PDE6D: variants seen among roughly 807,000 people sequenced by gnomAD.
PDE6D encodes the protein phosphodiesterase 6D, also known as retinal rod rhodopsin-sensitive cGMP 3',5'-cyclic phosphodiesterase subunit delta.
Under a neutral mutation model 21.9 loss-of-function variants are expected in PDE6D, and 10 were observed. The observed-to-expected ratio is 0.46, with a 90% CI of 0.28 to 0.78. The LOEUF (loss-of-function observed/expected upper bound fraction) is 0.78, where lower values mean the gene tolerates loss of function less well. PDE6D is among the 30% of genes least tolerant of loss of function. The pLI is 0.12. For missense variants in PDE6D, 139 were observed against 184.8 expected (o/e 0.75, Z 1.44); for synonymous variants, 59 against 63.5 (o/e 0.93, Z 0.34).
chr2:231,737,581 T>C (rs2048711796), intron 3 of PDE6D: 5 of 349,948 alleles, frequency 1.4e-5, no homozygotes, highest in Non-Finnish European at 2.6e-5. Context: ...ATGTGAACTA[T>C]ATATAGATAC....
At chr2:231,776,280 C>A (rs377013714) in intron 1 of PDE6D, among the ~76,000 whole-genome samples, 5 of 137,570 alleles carry the variant, frequency 3.6e-5, no homozygotes, top group Admixed American at 1.6e-4. Flanking sequence ...GAGATCACAT[C>A]ACTGCACTCC....
At chr2:231,758,082 A>G (rs1440832821) in intron 1 of PDE6D, among the ~76,000 whole-genome samples, 1 of 152,174 alleles carries the variant, frequency 6.6e-6, no homozygotes, top group Non-Finnish European at 1.5e-5. Flanking sequence ...AATAAATGTA[A>G]TTGTAAAAGT....
At chr2:231,756,983 G>T (rs1488283666) in intron 1 of PDE6D, among the ~76,000 whole-genome samples, 6 of 151,908 alleles carry the variant, frequency 3.9e-5, no homozygotes, top group Non-Finnish European at 8.8e-5. Context: ...TTTGAGACAG[G>T]TTCTCACTCC....
intron 1 of PDE6D, among the ~76,000 whole-genome samples, chr2:231,746,407 T>TG (rs2048794380): frequency 6.6e-6 from 1 of 152,162 alleles, no homozygotes; most frequent in Admixed American, 6.6e-5. Flanking sequence ...TCTCCCAAAG[T>TG]GCTGGGATTA....
In PDE6D at chr2:231,754,681, CTTTT is replaced by C. The variant is rs112353154; in HGVS notation, c.51-15497_51-15494del. Reference sequence around the variant, plus strand: ...GCCACCACGCCCAGCCTTCTTTTGTCTTTTTTTTTTTTGTATGAGAATGCCATTA... The same window carrying C: ...GCCACCACGCCCAGCCTTCTTTTGTCTTTTTTTTGTATGAGAATGCCATTA... On this transcript the variant is annotated intron_variant, in intron 1 of 4. Coordinates refer to ENST00000287600, the MANE Select transcript of PDE6D (RefSeq NM_002601.4). Among the ~76,000 whole-genome samples, 4 of 144,034 alleles carry C rather than the reference CTTTT, an allele frequency of 2.8e-5. No homozygotes were observed. The South Asian group carries it at 8.7e-4, about 31-fold the overall frequency. 94.5% of individuals were successfully genotyped at this position (144,034 alleles called of 152,430 possible).
chr2:231,761,276 G>A lies in PDE6D; in HGVS notation c.50+19789C>T, dbSNP rs888289483. 4.6e-5 allele frequency among the ~76,000 whole-genome samples: 7 copies of A among 152,074 alleles called. No homozygotes were observed. In the East Asian group the frequency reaches 5.8e-4, roughly 13 times the overall value. On this transcript the variant is annotated intron_variant, in intron 1 of 4. Transcript: ENST00000287600. ...TGCAAGCTCCGCTTCCCAGGTTCAC[G>A]CCATTCTCCTGCCTCAGCCTCCCGA... is the stretch of plus-strand genomic sequence containing the variant.
chr2:231,739,005 C>T lies in PDE6D; in HGVS notation c.139+95G>A. The T allele has an allele frequency of 2.7e-6, 2 of 739,990 alleles. No individual in the cohort carries two copies. The highest frequency in any genetic ancestry group is 4.8e-6 in the Non-Finnish European group (2 of 413,926). The allele number at this position is 739,990 out of a possible 1,614,324, so 45.8% of individuals were successfully genotyped here. On this transcript the variant is annotated intron_variant, in intron 2 of 4. Coordinates refer to ENST00000287600, the MANE Select transcript of PDE6D (RefSeq NM_002601.4). This position sits in a 1 kb window ranked among gnomAD's most constrained non-coding sequence, Gnocchi z 4.2. ...ACATGCTGTGTCTTCAGGGGCTCAC[C>T]CGCCTATTAGGTATGTGTTAACTTA...
chr2:231,756,266 A>G (rs1264490671), intron 1 of PDE6D, among the ~76,000 whole-genome samples: 1 of 152,210 alleles, frequency 6.6e-6, no homozygotes, highest in Non-Finnish European at 1.5e-5. Flanking sequence ...GCAAGAAGAC[A>G]TATTCGACTT....
At chr2:231,749,062 G>A (rs898820977) in intron 1 of PDE6D, among the ~76,000 whole-genome samples, 23 of 152,166 alleles carry the variant, frequency 1.5e-4, no homozygotes, top group African/African-American at 5.1e-4. Context: ...CTGCCTAGTG[G>A]AGCTGCGAGA....
chr2:231,745,125 G>T (rs976327402), intron 1 of PDE6D, among the ~76,000 whole-genome samples: 3 of 151,940 alleles, frequency 2.0e-5, no homozygotes, highest in African/African-American at 4.8e-5. Context: ...AGAAATAAAA[G>T]TTATTAAGGT....
chr2:231,761,575 G>A (rs2048927300), intron 1 of PDE6D, among the ~76,000 whole-genome samples: 1 of 152,160 alleles, frequency 6.6e-6, no homozygotes, highest in Non-Finnish European at 1.5e-5. Context: ...TAACAGTCTT[G>A]TTTAACTTAA....
chr2:231,765,689 C>T (rs1422694161), intron 1 of PDE6D, among the ~76,000 whole-genome samples: 4 of 152,198 alleles, frequency 2.6e-5, no homozygotes, highest in Non-Finnish European at 4.4e-5. Context: ...GTGGAAGCAG[C>T]TGCAATGACT....
intron 1 of PDE6D, among the ~76,000 whole-genome samples, chr2:231,743,076 T>C (rs999025080): frequency 5.3e-5 from 8 of 152,118 alleles, no homozygotes; most frequent in Non-Finnish European, 4.4e-5. Context: ...ATCATGTGTG[T>C]AATAACACTA....
chr2:231,753,252 G>A (rs1353149217), intron 1 of PDE6D, among the ~76,000 whole-genome samples: 3 of 151,480 alleles, frequency 2.0e-5, no homozygotes, highest in African/African-American at 4.9e-5. Flanking sequence ...GGCCGGGAGC[G>A]GTGGCTCACG....
chr2:231,763,419 T>C (rs981827336), intron 1 of PDE6D, among the ~76,000 whole-genome samples: 2 of 152,166 alleles, frequency 1.3e-5, no homozygotes, highest in African/African-American at 2.4e-5. Context: ...CAAACATGTA[T>C]TGAGGTACTG....
chr2:231,752,878 G>A (rs2048852873), intron 1 of PDE6D, among the ~76,000 whole-genome samples: 1 of 134,182 alleles, frequency 7.5e-6, no homozygotes, highest in Non-Finnish European at 1.5e-5. Flanking sequence ...CTGTCGCCCA[G>A]GCTGGAGTGC....
intron 1 of PDE6D, among the ~76,000 whole-genome samples, chr2:231,763,835 G>C (rs1343733572): frequency 4.6e-5 from 7 of 151,508 alleles, no homozygotes; most frequent in Admixed American, 1.3e-4. Context: ...TTGAGACAGA[G>C]TCTATGTTGC....
At chr2:231,766,605 A>G (rs1030277883) in intron 1 of PDE6D, among the ~76,000 whole-genome samples, 1 of 152,172 alleles carries the variant, frequency 6.6e-6, no homozygotes, top group Non-Finnish European at 1.5e-5. Context: ...AATCCTGTCA[A>G]AATCTACATT....
At chr2:231,746,457 A>C (rs1202030966) in intron 1 of PDE6D, among the ~76,000 whole-genome samples, 4 of 152,142 alleles carry the variant, frequency 2.6e-5, no homozygotes, top group Admixed American at 2.0e-4. Context: ...GGTGTATTTT[A>C]CATGTGCTCC....
Sources: gnomAD v4.1 joint callset for allele counts (sites outside exome capture counted in the v4.1 genomes callset) on GRCh38, gnomAD v4.1.1 for gene constraint, Gnocchi (gnomAD v3.1) non-coding constraint, MANE v1.5 for transcripts, NCBI Gene and HGNC (gene_info 2026-07-23, HGNC 2026-07-21) for gene names.